POLK: variants seen among roughly 807,000 people sequenced by gnomAD.
POLK encodes the protein DNA polymerase kappa.
POLK carries 76 observed loss-of-function variants against 94.0 expected under a neutral mutation model. The observed-to-expected ratio is 0.81, with a 90% CI of 0.67 to 0.98. POLK has a LOEUF of 0.98. POLK is among the 50% of genes least tolerant of loss of function. POLK has a pLI of 0.00. For missense variants in POLK, 954 were observed against 1,010.1 expected, an observed-to-expected ratio of 0.94 and a Z score of 0.75; for synonymous variants, 349 against 325.4, an observed-to-expected ratio of 1.07 and a Z score of -0.78.
upstream of POLK, among the ~76,000 whole-genome samples, chr5:75,510,944 A>G (rs932272630): frequency 1.3e-5 from 2 of 152,048 alleles, no homozygotes; most frequent in African/African-American, 4.8e-5. Flanking sequence ...CCGGGCAACA[A>G]GGACAGTGCC....
intron 10 of POLK, among the ~76,000 whole-genome samples, chr5:75,587,984 A>C (rs1463205684): frequency 1.3e-5 from 2 of 152,178 alleles, no homozygotes; most frequent in African/African-American, 4.8e-5. Context: ...TTTCACATAT[A>C]TTATTTGTGG....
chr5:75,579,899 T>TTA lies in POLK; in HGVS notation c.695-1309_695-1308dup, dbSNP rs1385361262. Among the ~76,000 whole-genome samples, 33 of 149,892 alleles carry TTA rather than the reference T, an allele frequency of 2.2e-4. No homozygotes were observed. In the Admixed American group the frequency reaches 2.2e-3, roughly 10 times the overall value. On this transcript the variant is annotated intron_variant, in intron 6 of 14. Transcript: ENST00000241436. Reference sequence around the variant, plus strand: ...CTATATTTACCAAAAAATTATAAAATTAGCTAAGCGTGATGGCTCGCGCCT... The same window carrying TTA: ...CTATATTTACCAAAAAATTATAAAATTATAGCTAAGCGTGATGGCTCGCGCCT...
At chr5:75,576,671 T>C in intron 5 of POLK, 109 bp from the exon 6 acceptor site, 2 of 472,756 alleles carry the variant, frequency 4.2e-6, no homozygotes, top group Non-Finnish European at 7.5e-6. Context: ...ACTGCAGGAT[T>C]GTTACTGTAG....
intron 3 of POLK, among the ~76,000 whole-genome samples, chr5:75,564,915 G>T (rs1057241746): frequency 6.6e-6 from 1 of 152,128 alleles, no homozygotes; most frequent in African/African-American, 2.4e-5. Flanking sequence ...TCCTGAATTT[G>T]AGTGTTGGCG....
chr5:75,564,487 G>C (rs186358247), intron 3 of POLK, among the ~76,000 whole-genome samples: 30 of 152,258 alleles, frequency 2.0e-4, no homozygotes, highest in Admixed American at 1.6e-3. Flanking sequence ...TCAAGTGTCA[G>C]TGGTCTTTAC....
intron 3 of POLK, chr5:75,568,607 G>A (rs1771411177): frequency 2.8e-6 from 1 of 360,276 alleles, no homozygotes; most frequent in African/African-American, 2.2e-5. Context: ...CTTCACTATT[G>A]TATTTGACAT....
intron 10 of POLK, among the ~76,000 whole-genome samples, chr5:75,588,776 A>G (rs912684794): frequency 3.9e-5 from 6 of 152,162 alleles, no homozygotes; most frequent in Non-Finnish European, 8.8e-5. Context: ...AGGCCACAGA[A>G]TCTTTGGCTC....
chr5:75,559,337 A>G (rs1438482930), intron 3 of POLK, among the ~76,000 whole-genome samples: 1 of 152,038 alleles, frequency 6.6e-6, no homozygotes, highest in African/African-American at 2.4e-5. Context: ...ACCCTTTCCC[A>G]ATCTCAGTGG....
intron 12 of POLK, among the ~76,000 whole-genome samples, chr5:75,594,549 A>C (rs1195253827): frequency 6.6e-6 from 1 of 152,238 alleles, no homozygotes; most frequent in Non-Finnish European, 1.5e-5. Flanking sequence ...GATTTTAGAA[A>C]GCAAATTCAG....
downstream of POLK, among the ~76,000 whole-genome samples, chr5:75,602,762 A>T (rs528372973): frequency 6.6e-6 from 1 of 152,208 alleles, no homozygotes; most frequent in Non-Finnish European, 1.5e-5. Context: ...ATGTAATTCA[A>T]AGGTCTCTTT....
intron 1 of POLK, among the ~76,000 whole-genome samples, chr5:75,525,945 T>C (rs1768819820): frequency 6.6e-6 from 1 of 152,204 alleles, no homozygotes; most frequent in South Asian, 2.1e-4. Flanking sequence ...ATATAAATTC[T>C]CTAACCTCAA....
intron 1 of POLK, among the ~76,000 whole-genome samples, chr5:75,538,873 C>G (rs1290269864): frequency 3.7e-4 from 57 of 152,132 alleles, no homozygotes; most frequent in Non-Finnish European, 4.4e-5. Flanking sequence ...CAAGTTCAAG[C>G]AATTCTCCTG....
chr5:75,586,556 G>T (rs1340908509), intron 9 of POLK, among the ~76,000 whole-genome samples: 2 of 152,066 alleles, frequency 1.3e-5, no homozygotes, highest in African/African-American at 4.8e-5. Flanking sequence ...CTATAGCTGT[G>T]TACCAAATTC....
intron 11 of POLK, among the ~76,000 whole-genome samples, chr5:75,592,823 G>A (rs749295600): frequency 2.0e-4 from 30 of 152,142 alleles, no homozygotes; most frequent in Non-Finnish European, 3.8e-4. Context: ...GGAAGCTGAG[G>A]CCAGAGGATT....
At position 75,559,514 on chromosome 5, in the gene POLK, TTTTGTTTTG is replaced by T. The variant is rs1340235615; in HGVS notation, c.255+6927_255+6935del. ...TATTGATTTGGGGTTTGTTTTTTTG[TTTTGTTTTG>T]TTTTTTTTTTTTTTTTTTTTTTTTT... On this transcript the variant is annotated intron_variant, in intron 3 of 14. Transcript: ENST00000241436. Among the ~76,000 whole-genome samples, 10 of 139,430 alleles carry T rather than the reference TTTTGTTTTG, an allele frequency of 7.2e-5. 1 individual carries two copies. The highest frequency in any genetic ancestry group is 6.1e-4 in the East Asian group (3 of 4,922). The allele number at this position is 139,430 out of a possible 152,430, so 91.5% of individuals were successfully genotyped here.
chr5:75,525,521 A>C (rs1421509734), intron 1 of POLK, among the ~76,000 whole-genome samples: 2 of 152,302 alleles, frequency 1.3e-5, no homozygotes, highest in African/African-American at 4.8e-5. Context: ...CAGAAAAGGA[A>C]AGTCAGGTAC....
chr5:75,552,407 GT>G, intron 2 of POLK, 64 bp from the exon 3 acceptor site: 1 of 1,498,636 alleles, frequency 6.7e-7, no homozygotes, highest in South Asian at 1.3e-5. Flanking sequence ...TAGCCACCAG[GT>G]TATACTACAG....
At chr5:75,540,462 A>G (rs1005288376) in intron 1 of POLK, among the ~76,000 whole-genome samples, 1 of 151,892 alleles carries the variant, frequency 6.6e-6, no homozygotes, top group African/African-American at 2.4e-5. Flanking sequence ...ACATGTCAAC[A>G]CACCTGGCTA....
intron 1 of POLK, among the ~76,000 whole-genome samples, chr5:75,538,197 G>A (rs1050376588): frequency 6.6e-6 from 1 of 152,130 alleles, no homozygotes; most frequent in African/African-American, 2.4e-5. Flanking sequence ...ATAGAAATAA[G>A]TACTTCATAT....
Sources: allele counts gnomAD v4.1 joint callset (sites outside exome capture counted in the v4.1 genomes callset), GRCh38; gene constraint gnomAD v4.1.1; transcripts MANE v1.5; gene names NCBI Gene and HGNC (gene_info 2026-07-23, HGNC 2026-07-21).